Variants in SLC9C2 observed in about 807,000 individuals in gnomAD.
SLC9C2 encodes sodium/hydrogen exchanger 11.
A neutral mutation model predicts 140.2 loss-of-function variants in SLC9C2; 75 were observed. The observed-to-expected ratio is 0.53, with a 90% CI of 0.44 to 0.65. The LOEUF (loss-of-function observed/expected upper bound fraction) is 0.65. Among genes scored for constraint, SLC9C2 ranks in the 30% least tolerant of loss-of-function variants. The pLI is 0.00. For synonymous variants in SLC9C2, 375 were observed against 420.9 expected (o/e 0.89, Z 1.34); for missense variants, 1,074 against 1,331.8 (o/e 0.81, Z 3.01).
chr1:173,599,257 T>C (rs1214876521), intron 3 of SLC9C2, among the ~76,000 whole-genome samples: 2 of 149,450 alleles, frequency 1.3e-5, no homozygotes, highest in African/African-American at 4.9e-5. Context: ...AGGCCTTTTA[T>C]AAGGCAACAG....
chr1:173,532,541 G>C (rs1202740794), intron 17 of SLC9C2, among the ~76,000 whole-genome samples: 3 of 152,148 alleles, frequency 2.0e-5, no homozygotes, highest in Non-Finnish European at 4.4e-5. Context: ...AATTCCATAG[G>C]TAGTATCCTA....
At chr1:173,601,930 C>A (rs1028160038) in intron 1 of SLC9C2, 75 bp from the exon 2 acceptor site, 11 of 898,130 alleles carry the variant, frequency 1.2e-5, no homozygotes, top group Non-Finnish European at 3.4e-6. Context: ...TAAGATTGTG[C>A]CACACTCAGA....
chr1:173,600,812 A>G (rs1666733007), intron 2 of SLC9C2, among the ~76,000 whole-genome samples: 1 of 152,216 alleles, frequency 6.6e-6, no homozygotes, highest in Non-Finnish European at 1.5e-5. Context: ...CAAGGTCATT[A>G]GTGAGTATAT....
intron 9 of SLC9C2, among the ~76,000 whole-genome samples, chr1:173,559,815 C>T (rs1273622721): frequency 6.6e-6 from 1 of 152,174 alleles, no homozygotes; most frequent in African/African-American, 2.4e-5. Context: ...CTCTAGGAGG[C>T]TATATTTTCT....
At chr1:173,592,195 T>C (rs7552723) in intron 4 of SLC9C2, among the ~76,000 whole-genome samples, 62,700 of 151,986 alleles carry the variant, frequency 0.41, 16,140 homozygotes, top group African/African-American at 0.7. Flanking sequence ...AGCCTTATTT[T>C]TGGGCTCTGT....
intron 2 of SLC9C2, 90 bp from the exon 3 acceptor site, chr1:173,600,307 C>T: frequency 2.8e-6 from 2 of 711,728 alleles, no homozygotes; most frequent in Non-Finnish European, 4.4e-6. Flanking sequence ...CAAAGTAAGT[C>T]AAGACCTTCT....
At chr1:173,501,593 C>T (rs886613495) in intron 27 of SLC9C2, among the ~76,000 whole-genome samples, 1 of 149,370 alleles carries the variant, frequency 6.7e-6, no homozygotes, top group African/African-American at 2.5e-5. Flanking sequence ...TCACTGCAAC[C>T]TCCGCCTCCC....
intron 11 of SLC9C2, 24 bp from the exon 12 acceptor site, chr1:173,548,576 G>A (rs775460686): frequency 1.2e-6 from 2 of 1,612,698 alleles, no homozygotes; most frequent in Admixed American, 1.7e-5. Flanking sequence ...AAAAGCAAAG[G>A]CCTTAATAGA....
chr1:173,501,285 G>T (rs192826082), intron 27 of SLC9C2, among the ~76,000 whole-genome samples, 188 bp from the exon 28 acceptor site: 3 of 152,168 alleles, frequency 2.0e-5, no homozygotes, highest in Admixed American at 2.0e-4. Context: ...GCATCTCTAC[G>T]CTGTCATCTT....
intron 11 of SLC9C2, among the ~76,000 whole-genome samples, chr1:173,550,870 GAAA>G (rs1663236505): frequency 8.8e-6 from 1 of 113,384 alleles, no homozygotes; most frequent in Non-Finnish European, 1.8e-5. Context: ...GTGAGCCGTT[GAAA>G]GAGAGAGAGA....
chr1:173,505,192 A>T, intron 26 of SLC9C2, 55 bp downstream of exon 26: 1 of 1,374,100 alleles, frequency 7.3e-7, no homozygotes, highest in Non-Finnish European at 1.0e-6. Context: ...GGAATTTTAC[A>T]TGTATTGAAG....
chr1:173,552,831 G>A (rs772163199), intron 11 of SLC9C2, among the ~76,000 whole-genome samples: 1 of 152,162 alleles, frequency 6.6e-6, no homozygotes, highest in Non-Finnish European at 1.5e-5. Flanking sequence ...AAGTATCAAG[G>A]AGTCATTTTG....
intron 25 of SLC9C2, among the ~76,000 whole-genome samples, chr1:173,506,147 C>T (rs1419862858): frequency 6.6e-6 from 1 of 152,130 alleles, no homozygotes; most frequent in Non-Finnish European, 1.5e-5. Flanking sequence ...TTTAGGTTTA[C>T]CAACTTTTCC....
chr1:173,588,304 T>C (rs1665973405), intron 4 of SLC9C2, among the ~76,000 whole-genome samples: 1 of 152,182 alleles, frequency 6.6e-6, no homozygotes, highest in African/African-American at 2.4e-5. Flanking sequence ...GGCCATGAAA[T>C]GCTTGAGATT....
chr1:173,556,736 G>A (rs537764358), intron 10 of SLC9C2, among the ~76,000 whole-genome samples: 3 of 151,272 alleles, frequency 2.0e-5, no homozygotes, highest in Non-Finnish European at 4.4e-5. Flanking sequence ...GGCCAACATG[G>A]CAAAACCCCG....
chr1:173,568,454 A>G (rs1486513832), intron 9 of SLC9C2, among the ~76,000 whole-genome samples: 1 of 152,184 alleles, frequency 6.6e-6, no homozygotes, highest in African/African-American at 2.4e-5. Flanking sequence ...CACAAAAGAC[A>G]TGATCTCAGT....
chr1:173,597,969 G>T lies in SLC9C2; in HGVS notation c.292C>A (p.Pro98Thr), dbSNP rs199983843. 1 of 1,598,668 alleles carries T rather than the reference G, an allele frequency of 6.3e-7. No individual in the cohort carries two copies. Among genetic ancestry groups the T allele is most frequent in the African/African-American group, 1.3e-5 (1 of 74,242 alleles). ...SSFSLYSYFS[P>T]LIIFMVALDV... ...AAAGCAACCATAAATATAATTAAAG[G>T]TGAAAAGTAAGAATAAAGTGAAAAA... Residue 98 changes from proline to threonine, a missense_variant, in exon 4 of 28, where the codon CCT becomes ACT. Transcript: ENST00000367714.
At chr1:173,596,105 T>G (rs949634858) in intron 4 of SLC9C2, among the ~76,000 whole-genome samples, 3 of 152,224 alleles carry the variant, frequency 2.0e-5, no homozygotes, top group African/African-American at 7.2e-5. Context: ...GTTGTGCCTA[T>G]CGATACTCCA....
chr1:173,545,437 T>C (rs1195680169), intron 13 of SLC9C2, among the ~76,000 whole-genome samples: 5 of 152,234 alleles, frequency 3.3e-5, no homozygotes, highest in Non-Finnish European at 7.3e-5. Context: ...TGTGCCCAGA[T>C]GGATTTCAGA....
Sources: allele counts gnomAD v4.1 joint callset (sites outside exome capture counted in the v4.1 genomes callset), GRCh38; gene constraint gnomAD v4.1.1; transcripts MANE v1.5; gene names NCBI Gene and HGNC (gene_info 2026-07-23, HGNC 2026-07-21).